The following MTOR variants were observed in gnomAD, a reference collection of about 807,000 sequenced individuals.
MTOR encodes the protein mechanistic target of rapamycin kinase.
In MTOR, 70 loss-of-function variants were observed where a neutral mutation model predicts 319.8. That is an observed-to-expected ratio of 0.22 (90% CI 0.18 to 0.27). MTOR has a LOEUF of 0.27. MTOR is among the 10% of genes least tolerant of loss of function. The pLI is 1.00. For missense variants in MTOR, 1,890 were observed against 3,274.4 expected (o/e 0.58, Z 10.32); for synonymous variants, 1,183 against 1,211.4 (o/e 0.98, Z 0.49).
At chr1:11,152,672 G>C (rs1007494618) in intron 30 of MTOR, among the ~76,000 whole-genome samples, 11 of 152,136 alleles carry the variant, frequency 7.2e-5, no homozygotes, top group African/African-American at 2.7e-4. Context: ...AGATAAGAAT[G>C]GGGAAATGGG....
chr1:11,168,895 G>A (rs1571053419), intron 28 of MTOR, among the ~76,000 whole-genome samples: 1 of 151,894 alleles, frequency 6.6e-6, no homozygotes, highest in East Asian at 1.9e-4. Context: ...AAGAGGGGAG[G>A]GTGAAGGAGC....
chr1:11,204,602 G>A lies in MTOR; in HGVS notation c.3903C>T (p.Arg1301=), dbSNP rs772250961. 2.5e-6 allele frequency: 4 copies of A among 1,614,226 alleles called. No individual in the cohort carries two copies. Among genetic ancestry groups the A allele is most frequent in the Admixed American group, 3.3e-5 (2 of 60,038 alleles). Residue 1301 remains arginine (R), a synonymous_variant, in exon 26 of 58, where the codon CGC becomes CGT. Coordinates refer to ENST00000361445, the MANE Select transcript of MTOR (RefSeq NM_004958.4). ...LLKDSSSPSL[R]SCWALAQAYN... ...AGGCCTGTGCCAGGGCCCAGCAGGA[G>A]CGCAGGGAGGGCGATGATGAGTCCT...
chr1:11,204,356 G>C (rs2100763991), intron 26 of MTOR, among the ~76,000 whole-genome samples: 1 of 152,270 alleles, frequency 6.6e-6, no homozygotes, highest in South Asian at 2.1e-4. Context: ...AAAGCTACTA[G>C]AAAAAGGAAT....
chr1:11,174,643 A>G (rs1246015175), intron 28 of MTOR, among the ~76,000 whole-genome samples: 1 of 152,114 alleles, frequency 6.6e-6, no homozygotes, highest in Non-Finnish European at 1.5e-5. Context: ...TCCCTTTTCT[A>G]ATGAGATGTG....
At chr1:11,240,277 T>C (rs934194030) in intron 11 of MTOR, 26 bp downstream of exon 11, 2 of 1,528,802 alleles carry the variant, frequency 1.3e-6, no homozygotes, top group South Asian at 1.3e-5. Flanking sequence ...CTCACTATCT[T>C]GGCAAGAGCC....
At chr1:11,193,844 G>T in intron 28 of MTOR, 16 of 1,461,604 alleles carry the variant, frequency 1.1e-5, no homozygotes, top group Non-Finnish European at 1.2e-5. Flanking sequence ...AACTCCGGGG[G>T]TGCCATTCCT....
intron 54 of MTOR, 141 bp downstream of exon 54, chr1:11,112,711 C>T (rs965308210): frequency 8.3e-6 from 7 of 842,920 alleles, no homozygotes; most frequent in Admixed American, 7.5e-5. Flanking sequence ...TGAAGCCCAC[C>T]CCACTCTAGA....
chr1:11,161,744 T>C (rs897419261), intron 29 of MTOR, among the ~76,000 whole-genome samples: 3 of 152,078 alleles, frequency 2.0e-5, no homozygotes, highest in Non-Finnish European at 4.4e-5. Flanking sequence ...GAAGTAAAAC[T>C]AACAAACAGA....
intron 28 of MTOR, among the ~76,000 whole-genome samples, chr1:11,198,008 T>C (rs1645842045): frequency 6.6e-6 from 1 of 152,212 alleles, no homozygotes. Context: ...TTTTTATGAT[T>C]GTATCAAATA....
intron 26 of MTOR, among the ~76,000 whole-genome samples, chr1:11,201,547 C>A (rs910694142): frequency 6.6e-6 from 1 of 152,082 alleles, no homozygotes; most frequent in East Asian, 1.9e-4. Flanking sequence ...CTTGCCAATG[C>A]GAAGGGCTGC....
chr1:11,201,001 C>A (rs1406069648), intron 26 of MTOR, among the ~76,000 whole-genome samples: 5 of 147,292 alleles, frequency 3.4e-5, no homozygotes, highest in Non-Finnish European at 7.4e-5. Flanking sequence ...GGCAACAGAG[C>A]GAGACTCTGT....
At chr1:11,114,638 A>G in intron 52 of MTOR, 175 bp downstream of exon 52, 1 of 1,016,006 alleles carries the variant, frequency 9.8e-7, no homozygotes, top group East Asian at 2.6e-5. Flanking sequence ...TCAGAAGTGA[A>G]GTGGTAAGCC....
At chr1:11,190,330 T>A (rs370087016) in intron 28 of MTOR, among the ~76,000 whole-genome samples, 38 of 152,322 alleles carry the variant, frequency 2.5e-4, no homozygotes, top group Middle Eastern at 3.4e-3. Context: ...CACCAAACTG[T>A]AACAGCTGTT....
At position 11,128,025 on chromosome 1, in the gene MTOR, G is replaced by A; in HGVS notation, c.6012C>T (p.Thr2004=). ...CCACCATCATGGCCTGCTGGACCAG[G>A]GTGTTGCTGTGCTCACACATGTTCT... ...ILKNMCEHSN[T]LVQQAMMVSE... The change falls in exon 43 of 58, where the codon ACC becomes ACT. Residue 2004 remains threonine (T), a synonymous_variant. Coordinates refer to ENST00000361445, the MANE Select transcript of MTOR (RefSeq NM_004958.4). The surrounding 1 kb of genome is among the most constrained non-coding windows in gnomAD (Gnocchi z 5.3). 6.2e-7 allele frequency: 1 copy of A among 1,614,030 alleles called. No homozygotes were observed. The highest frequency in any genetic ancestry group is 2.2e-5 in the East Asian group (1 of 44,888).
intron 29 of MTOR, among the ~76,000 whole-genome samples, chr1:11,165,476 A>C (rs956924415): frequency 5.3e-5 from 8 of 152,042 alleles, no homozygotes; most frequent in African/African-American, 1.9e-4. Flanking sequence ...CCAAATCATG[A>C]GTGAACTCCC....
chr1:11,201,140 G>C (rs1049001235), intron 26 of MTOR, among the ~76,000 whole-genome samples: 40 of 152,282 alleles, frequency 2.6e-4, no homozygotes, highest in African/African-American at 9.1e-4. Context: ...ACCAGCCAGG[G>C]CAATAACCAA....
chr1:11,152,781 T>C (rs1186611564), intron 30 of MTOR, among the ~76,000 whole-genome samples: 1 of 152,152 alleles, frequency 6.6e-6, no homozygotes, highest in Non-Finnish European at 1.5e-5. Flanking sequence ...ACAAAAGAAA[T>C]TTAGAAATTG....
chr1:11,250,656 T>C (rs1026125432), intron 6 of MTOR, among the ~76,000 whole-genome samples: 2 of 152,118 alleles, frequency 1.3e-5, no homozygotes, highest in African/African-American at 2.4e-5. Flanking sequence ...AAATAACATC[T>C]ATACGCTGAC....
intron 29 of MTOR, among the ~76,000 whole-genome samples, chr1:11,161,620 G>T (rs1257834750): frequency 6.6e-6 from 1 of 152,166 alleles, no homozygotes; most frequent in Non-Finnish European, 1.5e-5. Flanking sequence ...AACATTGGCT[G>T]CTCTGCAATA....
Sources: allele counts gnomAD v4.1 joint callset (sites outside exome capture counted in the v4.1 genomes callset), GRCh38; gene constraint gnomAD v4.1.1; non-coding constraint Gnocchi (gnomAD v3.1); transcripts MANE v1.5; gene names NCBI Gene and HGNC (gene_info 2026-07-23, HGNC 2026-07-21).